Variants in ELL3 observed in about 807,000 individuals in gnomAD.
ELL3 encodes elongation factor for RNA polymerase II 3.
A neutral mutation model predicts 58.5 loss-of-function variants in ELL3; 48 were observed. The ratio of observed to expected loss-of-function variants is 0.82; its 90% CI spans 0.65 to 1.04. The LOEUF is 1.04. ELL3 is among the 50% of genes least tolerant of loss of function. ELL3 has a pLI of 0.00. For missense variants in ELL3, 458 were observed against 478.4 expected (o/e 0.96, Z 0.40); for synonymous variants, 174 against 173.2 (o/e 1.00, Z -0.04).
intron 9 of ELL3, 149 bp downstream of exon 9, chr15:43,774,033 A>C: frequency 1.0e-6 from 1 of 993,154 alleles, no homozygotes; most frequent in Admixed American, 2.8e-5. Context: ...TTCCCTTCTC[A>C]TTCTACCAAA....
intron 6 of ELL3, among the ~76,000 whole-genome samples, chr15:43,775,097 G>A (rs941105723): frequency 6.6e-6 from 1 of 151,488 alleles, no homozygotes; most frequent in Non-Finnish European, 1.5e-5. Context: ...GTGACTGAGT[G>A]AGAATAAGAA....
rs760626651 is a variant in ELL3, at chr15:43,775,719, C to T, written c.483+3G>A. 15 of 1,614,122 alleles carry T rather than the reference C, an allele frequency of 9.3e-6. No homozygotes were observed. The Admixed American group carries it at 1.2e-4, about 13-fold the overall frequency. On this transcript the variant is annotated splice_donor_region_variant and intron_variant, in intron 4 of 10. Coordinates refer to ENST00000319359, the MANE Select transcript of ELL3 (RefSeq NM_025165.3). ...ACTCCCTGCAATTTCTGGCCTCACC[C>T]ACCTCCTCTAGTGCCATCTGTGGCT...
At position 43,773,200 on chromosome 15, in the gene ELL3, C is replaced by G; in HGVS notation, c.1110G>C (p.Lys370Asn). 1 of 1,613,920 alleles carries G rather than the reference C, an allele frequency of 6.2e-7. No homozygotes were observed. Among genetic ancestry groups the G allele is most frequent in the Non-Finnish European group, 8.5e-7 (1 of 1,179,960 alleles). Residue 370 changes from lysine to asparagine, a missense_variant, in exon 11 of 11, where the codon AAG (lysine) becomes AAC (asparagine). By Grantham distance (94) the Lys-to-Asn change is moderately conservative. Transcript: ENST00000319359. ...TCTGGTGAAGGTACTCACAGCGACGCTTTTCTTCTCTGTAACTTGGGTACT... is the reference window on the plus strand; with the variant it reads ...TCTGGTGAAGGTACTCACAGCGACGGTTTTCTTCTCTGTAACTTGGGTACT... ...RKQYPSYREE[K>N]RRCEYLHQKL...
chr15:43,775,623 G>C lies in ELL3; in HGVS notation c.484-13C>G. The stretch of plus-strand genomic sequence containing the variant: ...CTGACACTGACACCTGGTGGGGAAA[G>C]TGGCAGGAGCACTTGGTTCCCTGGA... On this transcript the variant is annotated splice_polypyrimidine_tract_variant and intron_variant, in intron 4 of 10. Transcript: ENST00000319359. The C allele has an allele frequency of 6.2e-7, 1 of 1,614,206 alleles. No individual in the cohort carries two copies. Among genetic ancestry groups the C allele is most frequent in the Non-Finnish European group, 8.5e-7 (1 of 1,180,032 alleles).
chr15:43,774,330 G>T lies in ELL3; in HGVS notation c.890C>A (p.Ala297Glu), dbSNP rs1248989146. The T allele has an allele frequency of 5.0e-6, 8 of 1,614,094 alleles. No individual in the cohort carries two copies. Among genetic ancestry groups the T allele is most frequent in the Non-Finnish European group, 6.8e-6 (8 of 1,180,046 alleles). The change falls in exon 9 of 11, where the codon GCA becomes GAA. Residue 297 changes from alanine to glutamate, a missense_variant. By Grantham distance (107) the Ala-to-Glu change is moderately radical. Transcript: ENST00000319359. ...CTGCTCATAGGCATGTTGCTGTTCT[G>T]CACTGTGGATGGCCCTGTATTGCCT... Reference protein sequence around the residue: ...YLLQYRAIHSAEQQHAYEQDF... With the variant: ...YLLQYRAIHSEEQQHAYEQDF...
chr15:43,773,268 A>G (rs764602707), intron 10 of ELL3, 36 bp downstream of exon 10: 19 of 1,611,712 alleles, frequency 1.2e-5, no homozygotes, highest in Non-Finnish European at 8.5e-7. Context: ...AAAAATTCTC[A>G]TTCTACCTTG....
Position 43,775,345 on chromosome 15 carries a change from C to T in ELL3, c.606G>A (p.Gln202=). 1 of 1,613,652 alleles carries T rather than the reference C, an allele frequency of 6.2e-7. No homozygotes were observed. Among genetic ancestry groups the T allele is most frequent in the Non-Finnish European group, 8.5e-7 (1 of 1,179,618 alleles). Residue 202 remains glutamine (Q), a synonymous_variant, in exon 6 of 11, where the codon CAG becomes CAA. Coordinates refer to ENST00000319359, the MANE Select transcript of ELL3 (RefSeq NM_025165.3). ...QTHVPNREPV[Q]ALPSSASRKR... is the part of the protein sequence containing the mutation. ...TCCGGCTGGCAGAGGAAGGCAGTGCCTGAACAGGTTCTCTGTTTGGAACAT... is the reference window on the plus strand; with the variant it reads ...TCCGGCTGGCAGAGGAAGGCAGTGCTTGAACAGGTTCTCTGTTTGGAACAT...
chr15:43,774,529 A>G lies in ELL3; in HGVS notation c.824-11T>C. 1 of 1,614,168 alleles carries G rather than the reference A, an allele frequency of 6.2e-7. No individual in the cohort carries two copies. The highest frequency in any genetic ancestry group is 1.1e-5 in the South Asian group (1 of 91,072). ...TTGGGGATTCAGAATCTAGGAAGGA[A>G]GCAAGAAAACACAAGTGATTATAAG... On this transcript the variant is annotated splice_polypyrimidine_tract_variant and intron_variant, in intron 7 of 10. Coordinates refer to ENST00000319359, the MANE Select transcript of ELL3 (RefSeq NM_025165.3).
chr15:43,775,097 GAGAATA>G (rs958589474), intron 6 of ELL3, among the ~76,000 whole-genome samples: 3 of 151,488 alleles, frequency 2.0e-5, no homozygotes, highest in Non-Finnish European at 2.9e-5. Flanking sequence ...GTGACTGAGT[GAGAATA>G]AGAAAAAAAA....
Position 43,774,228 on chromosome 15 carries a change from A to G in ELL3, c.992T>C (p.Leu331Pro). 6.2e-7 allele frequency: 1 copy of G among 1,614,178 alleles called. No homozygotes were observed. Among genetic ancestry groups the G allele is most frequent in the Non-Finnish European group, 8.5e-7 (1 of 1,180,046 alleles). Residue 331 changes from leucine (L) to proline (P), a missense_variant, in exon 9 of 11, where the codon CTG becomes CCG. Leu to Pro is a moderately conservative substitution (Grantham distance 98). Transcript: ENST00000319359. The part of the protein sequence containing the change: ...VGTASQRFIE[L>P]GAEIKRVRRG... The stretch of plus-strand genomic sequence containing the variant: ...CCGAACTCTTTTAATCTCTGCTCCC[A>G]GCTCTATGAACCTTTGGCTTGCAGT...
rs1396652391 is a variant in ELL3, at chr15:43,773,120, C to G, written c.1190G>C (p.Ser397Thr). 3 of 1,601,116 alleles carry G rather than the reference C, an allele frequency of 1.9e-6. No individual in the cohort carries two copies. The highest frequency in any genetic ancestry group is 2.6e-6 in the Non-Finnish European group (3 of 1,175,966). The stretch of plus-strand genomic sequence containing the variant: ...TCAAAAATTCCCTTGATAACTTCAG[C>G]TGCCCCTGTTCTTTTCCTCAAACTC... ...ILEFEEKNRG[S>T] The change falls in exon 11 of 11, where the codon AGC (serine) becomes ACC (threonine). Residue 397 changes from serine to threonine, a missense_variant. Coordinates refer to ENST00000319359, the MANE Select transcript of ELL3 (RefSeq NM_025165.3).
chr15:43,775,538 G>A lies in ELL3; in HGVS notation c.556C>T (p.Gln186Ter). The A allele has an allele frequency of 6.2e-7, 1 of 1,614,162 alleles. No individual in the cohort carries two copies. Residue 186 changes from glutamine (Q) to a stop codon, truncating the protein, a stop_gained, in exon 5 of 11, where the codon CAG becomes TAG. Coordinates refer to ENST00000319359, the MANE Select transcript of ELL3 (RefSeq NM_025165.3). LOFTEE classifies it high-confidence loss of function. ...CATCCAAAGTACCTCACTTCCCACT[G>A]TGCCATGTGCTCCCTTGAGGATCCT... ...LPGSSREHMA[Q>*]WEVRSQTHVP...
Position 43,776,941 on chromosome 15 carries a change from C to G in ELL3, c.-40G>C. On this transcript the variant is annotated 5_prime_UTR_variant, in exon 1 of 11. Transcript: ENST00000319359. The stretch of plus-strand genomic sequence containing the variant: ...GTGCAAGCAGCACGGGGGCCACAGG[C>G]GAGGGCCACCACCGCCACCTCCTCT... 2 of 1,602,594 alleles carry G rather than the reference C, an allele frequency of 1.2e-6. No homozygotes were observed. Among genetic ancestry groups the G allele is most frequent in the Non-Finnish European group, 1.7e-6 (2 of 1,178,586 alleles).
intron 1 of ELL3, 79 bp downstream of exon 1, chr15:43,776,691 C>T (rs916186669): frequency 1.9e-5 from 30 of 1,556,692 alleles, no homozygotes; most frequent in Middle Eastern, 1.7e-4. Flanking sequence ...TCCCTCTCCC[C>T]TGCACCTTCT....
chr15:43,775,479 G>A (rs2086907955), intron 5 of ELL3, 46 bp downstream of exon 5: 2 of 1,611,532 alleles, frequency 1.2e-6, no homozygotes, highest in African/African-American at 2.7e-5. Flanking sequence ...TAGAAAGGAA[G>A]ACAATGCCAA....
chr15:43,776,213 A>G (rs778921131), intron 2 of ELL3, 62 bp from the exon 3 acceptor site: 26 of 1,459,020 alleles, frequency 1.8e-5, no homozygotes, highest in Non-Finnish European at 2.4e-5. Context: ...TGCCGCCGCC[A>G]CTCGTCCGGG....
chr15:43,776,524 G>C lies in ELL3; in HGVS notation c.153C>G (p.Phe51Leu). ...QRQQVRPVIA[F>L]QGHRGYLRLP... is the part of the protein sequence containing the mutation. ...TCGCACTTACCCCTCGGTGGCCTTG[G>C]AAAGCAATCACCGGCCGTACCTGCG... Residue 51 changes from phenylalanine (F) to leucine (L), a missense_variant, in exon 2 of 11, where the codon TTC becomes TTG. Transcript: ENST00000319359. 6.4e-7 allele frequency: 1 copy of C among 1,567,912 alleles called. No individual in the cohort carries two copies. Among genetic ancestry groups the C allele is most frequent in the Non-Finnish European group, 8.7e-7 (1 of 1,154,782 alleles).
In ELL3 at chr15:43,773,142, A is replaced by G. The variant is rs1226089864; in HGVS notation, c.1168T>C (p.Phe390Leu). ...CAGCTGCCCCTGTTCTTTTCCTCAA[A>G]CTCCAGGATGAGACCTTTAATGTGG... ...LSHIKGLILE[F>L]EEKNRGS The change falls in exon 11 of 11, where the codon TTT becomes CTT. Residue 390 changes from phenylalanine (F) to leucine (L), a missense_variant. Coordinates refer to ENST00000319359, the MANE Select transcript of ELL3 (RefSeq NM_025165.3). 7 of 1,609,946 alleles carry G rather than the reference A, an allele frequency of 4.3e-6. No individual in the cohort carries two copies. Among genetic ancestry groups the G allele is most frequent in the Non-Finnish European group, 5.9e-6 (7 of 1,178,954 alleles).
At position 43,776,681 on chromosome 15, in the gene ELL3, T is replaced by C. The variant is rs572493304; in HGVS notation, c.132+89A>G. ...GGAGGCCAGAGCTTGCGGAAGCCGC[T>C]CCCTCTCCCCTGCACCTTCTCCAGG... On this transcript the variant is annotated intron_variant, in intron 1 of 10. Coordinates refer to ENST00000319359, the MANE Select transcript of ELL3 (RefSeq NM_025165.3). The C allele has an allele frequency of 4.5e-6, 7 of 1,551,888 alleles. No homozygotes were observed. In the South Asian group the frequency reaches 7.1e-5, roughly 16 times the overall value.
Sources: gnomAD v4.1 joint callset for allele counts (sites outside exome capture counted in the v4.1 genomes callset) on GRCh38, gnomAD v4.1.1 for gene constraint, MANE v1.5 for transcripts, NCBI Gene and HGNC (gene_info 2026-07-23, HGNC 2026-07-21) for gene names.